Variants in UPP2 observed in about 807,000 individuals in gnomAD.
UPP2 encodes the protein UPase 2.
In UPP2, 23 loss-of-function variants were observed where a neutral mutation model predicts 26.7. The ratio of observed to expected loss-of-function variants is 0.86; its 90% CI spans 0.62 to 1.22. The LOEUF is 1.22. Ranked by LOEUF, UPP2 falls within the 50% of genes most tolerant of loss-of-function variation. The pLI, the probability that UPP2 is intolerant of heterozygous loss-of-function variation, is 0.00. For missense variants in UPP2, 387 were observed against 396.7 expected (o/e 0.98, Z 0.21); for synonymous variants, 127 against 141.3 (o/e 0.90, Z 0.72).
At position 158,115,193 on chromosome 2, in the gene UPP2, A is replaced by G; in HGVS notation, c.273A>G (p.Ile91Met). The G allele has an allele frequency of 6.2e-7, 1 of 1,613,926 alleles. No homozygotes were observed. ...ELGFEEAEED[I>M]KDICAGTDRY... Reference sequence around the variant, plus strand: ...GGTTTGAGGAAGCTGAAGAAGACATAAAAGACATCTGTGCTGGGACAGACA... The same window carrying G: ...GGTTTGAGGAAGCTGAAGAAGACATGAAAGACATCTGTGCTGGGACAGACA... The change falls in exon 3 of 7, where the codon ATA becomes ATG. Residue 91 changes from isoleucine (I) to methionine (M), a missense_variant. By Grantham distance (10) the Ile-to-Met change is conservative. Transcript: ENST00000005756.
intron 3 of UPP2, among the ~76,000 whole-genome samples, chr2:158,035,123 T>C (rs570071718): frequency 6.6e-6 from 1 of 152,176 alleles, no homozygotes; most frequent in African/African-American, 2.4e-5. Flanking sequence ...CGTAGAGATA[T>C]AAGATGGGGT....
At chr2:158,010,341 C>G (rs1683556067) in intron 2 of UPP2, among the ~76,000 whole-genome samples, 1 of 152,122 alleles carries the variant, frequency 6.6e-6, no homozygotes, top group Admixed American at 6.5e-5. Flanking sequence ...AATATATGTT[C>G]TTAAAATATT....
intron 3 of UPP2, among the ~76,000 whole-genome samples, chr2:158,064,499 G>T (rs1302160849): frequency 8.1e-6 from 1 of 124,212 alleles, no homozygotes; most frequent in Non-Finnish European, 1.7e-5. Context: ...CCCTTTGTCA[G>T]ATGGATAGAT....
intron 2 of UPP2, among the ~76,000 whole-genome samples, chr2:158,006,995 CCCTTTGCCTTGTTT>C (rs1319703961): frequency 8.5e-5 from 13 of 152,190 alleles, no homozygotes; most frequent in Non-Finnish European, 1.8e-4. Flanking sequence ...CATCCTAGTT[CCCTTTGCCTTGTTT>C]CCTTTGCCTC....
At chr2:158,075,540 G>T (rs933117089) in intron 3 of UPP2, among the ~76,000 whole-genome samples, 1 of 151,860 alleles carries the variant, frequency 6.6e-6, no homozygotes, top group East Asian at 1.9e-4. Flanking sequence ...GTTGAATTTT[G>T]ACAACTGCAC....
chr2:158,050,665 T>G (rs1682140917), intron 3 of UPP2, among the ~76,000 whole-genome samples: 2 of 152,170 alleles, frequency 1.3e-5, no homozygotes, highest in Non-Finnish European at 2.9e-5. Flanking sequence ...GGATCTGGCA[T>G]TTACTGAATG....
chr2:158,085,630 C>T (rs1017728954), intron 3 of UPP2, among the ~76,000 whole-genome samples: 3 of 152,142 alleles, frequency 2.0e-5, no homozygotes, highest in Non-Finnish European at 4.4e-5. Flanking sequence ...ATAATGTTGG[C>T]TGTGGGTTTG....
At chr2:158,054,982 G>A (rs1682223973) in intron 3 of UPP2, among the ~76,000 whole-genome samples, 1 of 152,072 alleles carries the variant, frequency 6.6e-6, no homozygotes, top group Admixed American at 6.6e-5. Context: ...CCTAGCCCCT[G>A]ACAACCACTA....
At chr2:158,008,401 G>A (rs1433848667) in intron 2 of UPP2, among the ~76,000 whole-genome samples, 1 of 152,218 alleles carries the variant, frequency 6.6e-6, no homozygotes, top group Non-Finnish European at 1.5e-5. Flanking sequence ...TGTTTAGGTA[G>A]ATGAATTAGA....
intron 3 of UPP2, among the ~76,000 whole-genome samples, chr2:158,093,489 A>G (rs570594350): frequency 6.6e-6 from 1 of 152,194 alleles, no homozygotes; most frequent in Non-Finnish European, 1.5e-5. Context: ...TATAACCAAC[A>G]AAGGATCAGT....
intron 3 of UPP2, among the ~76,000 whole-genome samples, chr2:158,084,055 C>T (rs750454707): frequency 5.9e-5 from 9 of 151,772 alleles, no homozygotes; most frequent in Non-Finnish European, 2.9e-5. Context: ...CAAATAGTAG[C>T]TCTATTTTAG....
chr2:158,054,222 C>A (rs543891397), intron 3 of UPP2, among the ~76,000 whole-genome samples: 58 of 152,134 alleles, frequency 3.8e-4, no homozygotes, highest in African/African-American at 1.3e-3. Flanking sequence ...GGTGCCACTG[C>A]ACTCCAGCCT....
intron 3 of UPP2, among the ~76,000 whole-genome samples, chr2:158,033,548 TC>T (rs1022661201): frequency 2.0e-5 from 3 of 152,126 alleles, no homozygotes; most frequent in African/African-American, 7.2e-5. Flanking sequence ...TCCTCCTCTT[TC>T]CTGGGAAGAA....
At chr2:158,072,649 C>T (rs1682561346) in intron 3 of UPP2, among the ~76,000 whole-genome samples, 1 of 130,670 alleles carries the variant, frequency 7.7e-6, no homozygotes. Flanking sequence ...AAGAGACAGA[C>T]AGACAGACAG....
intron 3 of UPP2, among the ~76,000 whole-genome samples, chr2:158,026,695 C>G (rs1159546911): frequency 6.6e-6 from 1 of 152,116 alleles, no homozygotes; most frequent in East Asian, 1.9e-4. Context: ...ATGAGATGAC[C>G]AGGTCATGTT....
intron 3 of UPP2, among the ~76,000 whole-genome samples, chr2:158,032,280 T>C (rs1683933974): frequency 6.6e-6 from 1 of 152,086 alleles, no homozygotes; most frequent in African/African-American, 2.4e-5. Context: ...GCACATCCTG[T>C]CACCAGAAAT....
At chr2:158,094,956 C>T (rs574623614) in intron 3 of UPP2, among the ~76,000 whole-genome samples, 14 of 152,128 alleles carry the variant, frequency 9.2e-5, no homozygotes, top group Non-Finnish European at 1.8e-4. Context: ...AAGACTAACA[C>T]GGGCTTTAAT....
chr2:158,105,961 A>T (rs2105214512), intron 1 of UPP2, 138 bp from the exon 2 acceptor site: 1 of 648,468 alleles, frequency 1.5e-6, no homozygotes, highest in Non-Finnish European at 2.6e-6. Context: ...GGCAAATATT[A>T]GCCATAATTA....
intron 6 of UPP2, among the ~76,000 whole-genome samples, chr2:158,133,165 C>T (rs1318519824): frequency 6.6e-6 from 1 of 152,156 alleles, no homozygotes; most frequent in Non-Finnish European, 1.5e-5. Context: ...GGTATATATA[C>T]ACAATGAAAT....
Sources: gnomAD v4.1 joint callset for allele counts (sites outside exome capture counted in the v4.1 genomes callset) on GRCh38, gnomAD v4.1.1 for gene constraint, MANE v1.5 for transcripts, NCBI Gene and HGNC (gene_info 2026-07-23, HGNC 2026-07-21) for gene names.